COL20A1: variants seen among roughly 807,000 people sequenced by gnomAD.
The protein encoded by COL20A1 is collagen alpha-1(XX) chain.
In COL20A1, 164 loss-of-function variants were observed where a neutral mutation model predicts 152.9. That is an observed-to-expected ratio of 1.07 (90% CI 0.94 to 1.22). The LOEUF (loss-of-function observed/expected upper bound fraction) is 1.22, where lower values mean the gene tolerates loss of function less well. Among genes scored for constraint, COL20A1 ranks in the 50% most tolerant of loss-of-function variants. COL20A1 has a pLI of 0.00. For synonymous variants in COL20A1, 864 were observed against 756.0 expected, an observed-to-expected ratio of 1.14 and a Z score of -2.34; for missense variants, 1,873 against 1,744.8, an observed-to-expected ratio of 1.07 and a Z score of -1.31.
intron 3 of COL20A1, 60 bp downstream of exon 3, chr20:63,298,080 G>C (rs1419357243): frequency 8.3e-7 from 1 of 1,210,378 alleles, no homozygotes; most frequent in Non-Finnish European, 1.2e-6. Context: ...GACAGTCAGT[G>C]TGGTGGCCGC....
intron 30 of COL20A1, 40 bp downstream of exon 30, chr20:63,326,189 G>T: frequency 1.3e-6 from 2 of 1,531,610 alleles, no homozygotes; most frequent in Middle Eastern, 1.8e-4. Context: ...CCCACCCAGG[G>T]TTCCTGTGTT....
chr20:63,298,185 C>T (rs530224076), intron 3 of COL20A1, among the ~76,000 whole-genome samples, 165 bp downstream of exon 3: 1 of 152,374 alleles, frequency 6.6e-6, no homozygotes, highest in East Asian at 1.9e-4. Flanking sequence ...TCCTTTCCCC[C>T]GTCACATATG....
intron 34 of COL20A1, 78 bp downstream of exon 34, chr20:63,328,576 C>A: frequency 7.3e-7 from 1 of 1,360,724 alleles, no homozygotes; most frequent in Non-Finnish European, 1.0e-6. Flanking sequence ...GGGGCTGGGG[C>A]TTCAATCTGT....
rs776196519 is a variant in COL20A1 at position 63,297,909 on chromosome 20, G to A, written c.83-1G>A. ...CTGACCACTATGTCCTGTTTCTGTAGCAAGCGGTCTCCTGAGGCTGGCTGT... is the reference window on the plus strand; with the variant it reads ...CTGACCACTATGTCCTGTTTCTGTAACAAGCGGTCTCCTGAGGCTGGCTGT... On this transcript the variant is annotated splice_acceptor_variant, in intron 2 of 35. Transcript: ENST00000358894. LOFTEE classifies it high-confidence loss of function. The A allele has an allele frequency of 1.9e-6, 3 of 1,612,544 alleles. No individual in the cohort carries two copies. In the South Asian group the frequency reaches 3.3e-5, roughly 18 times the overall value.
rs757814530 is a variant in COL20A1, at chr20:63,319,681, C to T, written c.2916+85C>T. The T allele has an allele frequency of 3.3e-6, 3 of 901,476 alleles. No individual in the cohort carries two copies. Among genetic ancestry groups the T allele is most frequent in the African/African-American group, 3.3e-5 (2 of 60,688 alleles). 55.8% of individuals were successfully genotyped at this position (901,476 alleles called of 1,614,324 possible). On this transcript the variant is annotated intron_variant, in intron 23 of 35. Transcript: ENST00000358894. This position sits in a 1 kb window ranked among gnomAD's most constrained non-coding sequence, Gnocchi z 4.4. ...CACAGGGACCTGCCGGATGCCAACT[C>T]CTCTCCCTAGGAGAGCAGGACCTTC...
chr20:63,308,627 G>A lies in COL20A1; in HGVS notation c.861G>A (p.Val287=). The A allele has an allele frequency of 1.2e-6, 2 of 1,606,876 alleles. No homozygotes were observed. Among genetic ancestry groups the A allele is most frequent in the Non-Finnish European group, 1.7e-6 (2 of 1,177,392 alleles). ...AGGCAGCCAAGGTGGTGATTCTGGT[G>A]ACGGACGGCAAGTCCCAGGACGATG... is the stretch of plus-strand genomic sequence containing the variant. The part of the protein sequence containing the change: ...RPEAAKVVIL[V]TDGKSQDDVH... Residue 287 remains valine (V), a synonymous_variant, in exon 8 of 36, where the codon GTG becomes GTA. Transcript: ENST00000358894.
chr20:63,309,577 C>T (rs1327345653), intron 9 of COL20A1, 80 bp downstream of exon 9: 14 of 1,357,716 alleles, frequency 1.0e-5, no homozygotes, highest in South Asian at 6.1e-5. Flanking sequence ...CTGTGGCTCC[C>T]GTGTGGTACC....
rs2068028398 is a variant in COL20A1 at position 63,312,811 on chromosome 20, C to T, written c.1953C>T (p.Ser651=). 1.3e-6 allele frequency: 2 copies of T among 1,553,124 alleles called. No homozygotes were observed. Among genetic ancestry groups the T allele is most frequent in the African/African-American group, 1.4e-5 (1 of 73,570 alleles). ...RVTTKKAPSP[S]QLSMTELPGD... ...CTTCAGAGAAAGCTCCCAGCCCAAG[C>T]CAGCTGTCCATGACGGAGCTGCCAG... Residue 651 remains serine (S), a synonymous_variant, in exon 16 of 36, where the codon AGC becomes AGT. Transcript: ENST00000358894.
At chr20:63,309,214 C>A in intron 8 of COL20A1, 119 bp from the exon 9 acceptor site, 1 of 773,142 alleles carries the variant, frequency 1.3e-6, no homozygotes, top group Non-Finnish European at 1.9e-6. Context: ...GGCAGGTGGG[C>A]CGAGTACAGC....
chr20:63,308,826 G>A (rs1160673772), intron 8 of COL20A1, 120 bp downstream of exon 8: 28 of 930,030 alleles, frequency 3.0e-5, no homozygotes, highest in Admixed American at 1.2e-4. Flanking sequence ...TCTGCGGCAC[G>A]GAGCTGCACG....
rs768600477 is a variant in COL20A1, at chr20:63,311,606, G to GGAC, written c.1540-17_1540-15dup. On this transcript the variant is annotated intron_variant, in intron 12 of 35. Transcript: ENST00000358894. The surrounding 1 kb of genome is among the most constrained non-coding windows in gnomAD (Gnocchi z 4.4). ...GGCAGAGCGAGTGGGGGCTGGCCTG[G>GGAC]GACGTCATGTCTCTGCAGGTGCAGG... 11 of 1,610,380 alleles carry GGAC rather than the reference G, an allele frequency of 6.8e-6. No homozygotes were observed. Among genetic ancestry groups the GGAC allele is most frequent in the Non-Finnish European group, 9.3e-6 (11 of 1,179,638 alleles).
At position 63,332,061 on chromosome 20, in the gene COL20A1, T is replaced by C. The variant is rs2068340218; in HGVS notation, c.*1345T>C. 6.6e-6 allele frequency: 1 copy of C among 152,594 alleles called. No individual in the cohort carries two copies. Among genetic ancestry groups the C allele is most frequent in the South Asian group, 2.1e-4 (1 of 4,836 alleles). The allele number at this position is 152,594 out of a possible 1,614,324, so 9.5% of individuals were successfully genotyped here. ...ACTGAGGCCAGGAAGCAGCCCCAAA[T>C]GCCAGCTCCCACTGCAGCATGAGAA... On this transcript the variant is annotated 3_prime_UTR_variant, in exon 36 of 36. Coordinates refer to ENST00000358894, the MANE Select transcript of COL20A1 (RefSeq NM_020882.4).
chr20:63,328,831 G>A (rs2123439815), intron 34 of COL20A1, among the ~76,000 whole-genome samples: 1 of 64,770 alleles, frequency 1.5e-5, no homozygotes, highest in East Asian at 4.6e-4. Flanking sequence ...CCGCCCTCCT[G>A]TCCTCCTTGT....
rs570490461 is a variant in COL20A1 at position 63,313,959 on chromosome 20, G to A, written c.2358+68G>A. On this transcript the variant is annotated intron_variant, in intron 18 of 35. Coordinates refer to ENST00000358894, the MANE Select transcript of COL20A1 (RefSeq NM_020882.4). The surrounding 1 kb of genome is among the most constrained non-coding windows in gnomAD (Gnocchi z 5.9). ...CTCCTGGAAGGGGTATGGCCACACT[G>A]TCTGCGAAGGGTGGCAGCTCTGCCA... 4 of 1,590,364 alleles carry A rather than the reference G, an allele frequency of 2.5e-6. No homozygotes were observed. Among genetic ancestry groups the A allele is most frequent in the East Asian group, 4.5e-5 (2 of 44,750 alleles).
chr20:63,328,472 G>A lies in COL20A1; in HGVS notation c.3755G>A (p.Arg1252His), dbSNP rs773306691. The A allele has an allele frequency of 2.0e-5, 32 of 1,611,970 alleles. No homozygotes were observed. The highest frequency in any genetic ancestry group is 1.8e-4 in the South Asian group (16 of 90,976). The part of the protein sequence containing the change: ...SKALVPGEWG[R>H]GGRHLEGRGE... ...GCCCTGGTTCCTGGAGAATGGGGGCGTGGTGGCCGCCACCTTGAGGGCAGA... is the reference window on the plus strand; with the variant it reads ...GCCCTGGTTCCTGGAGAATGGGGGCATGGTGGCCGCCACCTTGAGGGCAGA... Residue 1252 changes from arginine (R) to histidine (H), a missense_variant, in exon 34 of 36, where the codon CGT becomes CAT. By Grantham distance (29) the Arg-to-His change is conservative (BLOSUM62 0). Transcript: ENST00000358894.
rs2123408097 is a variant in COL20A1 at position 63,313,756 on chromosome 20, G to A, written c.2223G>A (p.Arg741=). ...GCTCTCGGCCAGCCACGGTGAGCAG[G>A]AGCCCACCCTCCAACCTGGCCCTGG... ...SLRYTPSTVS[R]SPPSNLALAS... Residue 741 remains arginine, a synonymous_variant, in exon 18 of 36, where the codon AGG becomes AGA. Coordinates refer to ENST00000358894, the MANE Select transcript of COL20A1 (RefSeq NM_020882.4). The surrounding 1 kb of genome is among the most constrained non-coding windows in gnomAD (Gnocchi z 5.9). The A allele has an allele frequency of 1.3e-6, 2 of 1,597,704 alleles. No homozygotes were observed. The highest frequency in any genetic ancestry group is 2.2e-5 in the South Asian group (2 of 88,994).
intron 1 of COL20A1, among the ~76,000 whole-genome samples, chr20:63,293,803 C>A (rs942312862): frequency 6.0e-5 from 9 of 149,436 alleles, no homozygotes; most frequent in Non-Finnish European, 1.3e-4. Flanking sequence ...GTGGCTTTCC[C>A]GCCGGGTGAG....
intron 9 of COL20A1, 82 bp from the exon 10 acceptor site, chr20:63,309,676 C>A: frequency 7.4e-7 from 1 of 1,358,812 alleles, no homozygotes; most frequent in Non-Finnish European, 9.9e-7. Flanking sequence ...TCCTGTCCCT[C>A]CTGTGAGTGG....
At chr20:63,325,943 G>C (rs886615140) in intron 29 of COL20A1, among the ~76,000 whole-genome samples, 153 bp from the exon 30 acceptor site, 27 of 152,100 alleles carry the variant, frequency 1.8e-4, no homozygotes, top group Non-Finnish European at 2.8e-4. Flanking sequence ...GGGTGGGTGG[G>C]GGAGTGGCTG....
Sources: allele counts gnomAD v4.1 joint callset (sites outside exome capture counted in the v4.1 genomes callset), GRCh38; gene constraint gnomAD v4.1.1; non-coding constraint Gnocchi (gnomAD v3.1); transcripts MANE v1.5; gene names NCBI Gene and HGNC (gene_info 2026-07-23, HGNC 2026-07-21).